The following QPCT variants were observed in gnomAD, a reference collection of about 807,000 sequenced individuals.
QPCT encodes EC.
A neutral mutation model predicts 43.4 loss-of-function variants in QPCT; 44 were observed. The observed-to-expected ratio is 1.01, with a 90% CI of 0.80 to 1.30. The LOEUF (loss-of-function observed/expected upper bound fraction) is 1.30. Ranked by LOEUF, QPCT falls within the 50% of genes most tolerant of loss-of-function variation. The pLI is 0.00. For synonymous variants in QPCT, 168 were observed against 168.4 expected, an observed-to-expected ratio of 1.00 and a Z score of 0.02; for missense variants, 526 against 436.5, an observed-to-expected ratio of 1.21 and a Z score of -1.83.
intron 2 of QPCT, among the ~76,000 whole-genome samples, chr2:37,358,100 T>C (rs1239391334): frequency 6.9e-6 from 1 of 144,388 alleles, no homozygotes; most frequent in Non-Finnish European, 1.5e-5. Flanking sequence ...ATGATGTATA[T>C]GATACTTGAA....
In QPCT at chr2:37,364,963, G is replaced by A. The variant is rs529606861; in HGVS notation, c.547-2269G>A. Reference sequence around the variant, plus strand: ...AACATATAATATGTATATATAGAGAGACCAGCCTGGGCAACATACTAAGGC... The same window carrying A: ...AACATATAATATGTATATATAGAGAAACCAGCCTGGGCAACATACTAAGGC... On this transcript the variant is annotated intron_variant, in intron 3 of 6. Coordinates refer to ENST00000338415, the MANE Select transcript of QPCT (RefSeq NM_012413.4). Among the ~76,000 whole-genome samples the A allele has an allele frequency of 1.3e-3, 187 of 148,204 alleles. 1 individual carries two copies. Among genetic ancestry groups the A allele is most frequent in the African/African-American group, 4.4e-3 (177 of 40,672 alleles).
At chr2:37,370,167 A>T (rs1673045964) in intron 5 of QPCT, among the ~76,000 whole-genome samples, 2 of 152,186 alleles carry the variant, frequency 1.3e-5, no homozygotes, top group African/African-American at 4.8e-5. Flanking sequence ...CCTGGGTGAC[A>T]GGGTGAGGCG....
intron 3 of QPCT, among the ~76,000 whole-genome samples, chr2:37,364,703 G>T (rs1247754164): frequency 6.6e-6 from 1 of 152,154 alleles, no homozygotes; most frequent in African/African-American, 2.4e-5. Context: ...CCATTTGGTT[G>T]AAGAGACTGT....
At chr2:37,345,877 A>G (rs1672477831) in intron 1 of QPCT, among the ~76,000 whole-genome samples, 1 of 151,846 alleles carries the variant, frequency 6.6e-6, no homozygotes, top group African/African-American at 2.4e-5. Context: ...GTTCACAATT[A>G]CATGGGTTCA....
chr2:37,363,043 G>A (rs908483463), intron 3 of QPCT, among the ~76,000 whole-genome samples: 14 of 152,220 alleles, frequency 9.2e-5, no homozygotes, highest in African/African-American at 9.6e-5. Context: ...GAGATTAGGC[G>A]AAAGCCTACA....
intron 2 of QPCT, among the ~76,000 whole-genome samples, chr2:37,355,386 A>G (rs1308369065): frequency 1.3e-5 from 2 of 152,100 alleles, no homozygotes; most frequent in South Asian, 2.1e-4. Flanking sequence ...AACAAAAATG[A>G]TTGAACCTTT....
chr2:37,351,208 A>G (rs904377059), intron 1 of QPCT, among the ~76,000 whole-genome samples: 1 of 152,272 alleles, frequency 6.6e-6, no homozygotes, highest in African/African-American at 2.4e-5. Context: ...CCTGAAAGGA[A>G]CTATAAAATA....
intron 2 of QPCT, among the ~76,000 whole-genome samples, chr2:37,358,095 G>A (rs1326554421): frequency 6.9e-6 from 1 of 145,432 alleles, no homozygotes; most frequent in Admixed American, 6.9e-5. Flanking sequence ...TTACAATGAT[G>A]TATATGATAC....
chr2:37,368,510 T>C (rs1055856854), intron 4 of QPCT: 2 of 454,540 alleles, frequency 4.4e-6, no homozygotes, highest in African/African-American at 2.0e-5. Flanking sequence ...CCCCCGCTTA[T>C]TCCTATCCAT....
chr2:37,360,220 C>T (rs557739644), intron 3 of QPCT, among the ~76,000 whole-genome samples: 1 of 152,266 alleles, frequency 6.6e-6, no homozygotes, highest in African/African-American at 2.4e-5. Flanking sequence ...GGCCATGAAA[C>T]ATCACAACCT....
rs1211468119 is a variant in QPCT at position 37,372,379 on chromosome 2, T to G, written c.847T>G (p.Leu283Val). 2 of 1,613,968 alleles carry G rather than the reference T, an allele frequency of 1.2e-6. No homozygotes were observed. Among genetic ancestry groups the G allele is most frequent in the Admixed American group, 1.7e-5 (1 of 60,010 alleles). Residue 283 changes from leucine to valine, a missense_variant, in exon 6 of 7, where the codon TTG becomes GTG. Leu to Val is a conservative substitution (Grantham distance 32). Transcript: ENST00000338415. ...AIEHELHELGLLKDHSLEGRY... is the reference protein window; with the variant it reads ...AIEHELHELGVLKDHSLEGRY... ...AGAACATGAACTTCATGAATTGGGT[T>G]TGCTCAAGGATCACTCTTTGGAGGG...
In QPCT at chr2:37,351,480, TA is replaced by T. The variant is rs1672625018; in HGVS notation, c.121-1307del. Among the ~76,000 whole-genome samples the T allele has an allele frequency of 2.0e-5, 3 of 152,202 alleles. No individual in the cohort carries two copies. The South Asian group carries it at 6.2e-4, about 32-fold the overall frequency. Reference sequence around the variant, plus strand: ...TGTGAACTTTAATGCAATTTAAAAATAATTTTAATTGAAGTTAAAAAGTCTA... The same window carrying T: ...TGTGAACTTTAATGCAATTTAAAAATATTTTAATTGAAGTTAAAAAGTCTA... On this transcript the variant is annotated intron_variant, in intron 1 of 6. Coordinates refer to ENST00000338415, the MANE Select transcript of QPCT (RefSeq NM_012413.4).
intron 1 of QPCT, among the ~76,000 whole-genome samples, chr2:37,345,216 C>T (rs78899434): frequency 2.0e-5 from 3 of 152,190 alleles, no homozygotes; most frequent in Non-Finnish European, 2.9e-5. Flanking sequence ...TGGAGGGCAA[C>T]GGGGCCGGCG....
rs1672512394 is a variant in QPCT at position 37,347,170 on chromosome 2, T to TATC, written c.120+2321_120+2322insCAT. Among the ~76,000 whole-genome samples the TATC allele has an allele frequency of 2.1e-4, 11 of 52,858 alleles. 2 individuals carry two copies. In the East Asian group the frequency reaches 0.02, roughly 96 times the overall value. 34.7% of individuals were successfully genotyped at this position (52,858 alleles called of 152,430 possible). A position where few individuals can be genotyped will look rare whatever the true frequency, so the allele number is the denominator to read the frequency against. ...TATATATATATATATATATAACATA[T>TATC]ATATATATAACATATATATATAACA... On this transcript the variant is annotated intron_variant, in intron 1 of 6. Transcript: ENST00000338415.
intron 3 of QPCT, among the ~76,000 whole-genome samples, chr2:37,364,583 G>C (rs1672918158): frequency 1.3e-5 from 2 of 152,232 alleles, no homozygotes; most frequent in African/African-American, 4.8e-5. Context: ...AAACAGGTTT[G>C]CAGAGGCAGG....
chr2:37,346,557 G>C (rs751284689), intron 1 of QPCT, among the ~76,000 whole-genome samples: 55 of 152,234 alleles, frequency 3.6e-4, no homozygotes, highest in African/African-American at 2.4e-4. Flanking sequence ...AAAAGGTGCT[G>C]TGATTCTTAA....
intron 3 of QPCT, among the ~76,000 whole-genome samples, chr2:37,363,459 C>CAA (rs760030748): frequency 0.14 from 6,657 of 47,712 alleles, 752 homozygotes; most frequent in East Asian, 0.43. Context: ...TCCCTCTCTA[C>CAA]AAAAAAAAAA....
chr2:37,369,817 C>A (rs754754651), intron 5 of QPCT, 33 bp downstream of exon 5: 7 of 1,492,400 alleles, frequency 4.7e-6, no homozygotes, highest in East Asian at 4.5e-5. Context: ...AATAAAACAT[C>A]ATTTCTTGCT....
At chr2:37,347,153 T>TATATC (rs1672506903) in intron 1 of QPCT, among the ~76,000 whole-genome samples, 3 of 57,108 alleles carry the variant, frequency 5.3e-5, no homozygotes, top group African/African-American at 2.7e-4. Flanking sequence ...TTTATATATA[T>TATATC]ATATATATAT....
Sources: gnomAD v4.1 joint callset for allele counts (sites outside exome capture counted in the v4.1 genomes callset) on GRCh38, gnomAD v4.1.1 for gene constraint, MANE v1.5 for transcripts, NCBI Gene and HGNC (gene_info 2026-07-23, HGNC 2026-07-21) for gene names.